Variants in LRRC55 observed in about 807,000 individuals in gnomAD.
The protein encoded by LRRC55 is leucine rich repeat containing 55, also known as leucine-rich repeat-containing protein 55.
Under a neutral mutation model 20.5 loss-of-function variants are expected in LRRC55, and 11 were observed. That is an observed-to-expected ratio of 0.54 (90% CI 0.34 to 0.89). The LOEUF (loss-of-function observed/expected upper bound fraction) is 0.89. Ranked by LOEUF, LRRC55 falls within the 40% of genes least tolerant of loss-of-function variation. The pLI, the probability that LRRC55 is intolerant of heterozygous loss-of-function variation, is 0.02. For missense variants in LRRC55, 358 were observed against 390.9 expected (o/e 0.92, Z 0.71); for synonymous variants, 188 against 166.6 (o/e 1.13, Z -0.99).
chr11:57,185,270 C>CTTTTTTTTTTTTTTTTT (rs58800728), intron 1 of LRRC55, among the ~76,000 whole-genome samples: 3 of 89,412 alleles, frequency 3.4e-5, no homozygotes, highest in African/African-American at 1.0e-4. Flanking sequence ...CTTTTCTTTT[C>CTTTTTTTTTTTTTTTTT]TTTTTTTTTT....
At chr11:57,187,119 T>C (rs1474448337) in intron 1 of LRRC55, 126 bp from the exon 2 acceptor site, 1 of 837,748 alleles carries the variant, frequency 1.2e-6, no homozygotes, top group Non-Finnish European at 2.0e-6. Flanking sequence ...TTAAGTAGAA[T>C]TCTTGGCACA....
intron 1 of LRRC55, among the ~76,000 whole-genome samples, chr11:57,184,732 A>G (rs771394296): frequency 3.3e-5 from 5 of 152,214 alleles, no homozygotes; most frequent in Non-Finnish European, 7.3e-5. Flanking sequence ...GGGATACAGC[A>G]TGACTTTAGG....
At position 57,187,744 on chromosome 11, in the gene LRRC55, T is replaced by C. The variant is rs1202619850; in HGVS notation, c.*264T>C. On this transcript the variant is annotated 3_prime_UTR_variant, in exon 2 of 2. Transcript: ENST00000497933. ...GAGAGAGATCCAAAAACTATTCCCT[T>C]TAAGACTATATGTCAGGACTCTGAG... 4 of 557,132 alleles carry C rather than the reference T, an allele frequency of 7.2e-6. No homozygotes were observed. Among genetic ancestry groups the C allele is most frequent in the Non-Finnish European group, 1.3e-5 (4 of 314,342 alleles). The allele number at this position is 557,132 out of a possible 1,614,324, so 34.5% of individuals were successfully genotyped here.
rs1854451963 is a variant in LRRC55, at chr11:57,187,658, A to AT, written c.*180dup. ...CTTTGGGCCAGGCGGCACGCTAGGAATTGGGAACATCAGATGAACTGACTC... is the reference window on the plus strand; with the variant it reads ...CTTTGGGCCAGGCGGCACGCTAGGAATTTGGGAACATCAGATGAACTGACTC... On this transcript the variant is annotated 3_prime_UTR_variant, in exon 2 of 2. Coordinates refer to ENST00000497933, the MANE Select transcript of LRRC55 (RefSeq NM_001005210.4). 1.5e-6 allele frequency: 1 copy of AT among 662,534 alleles called. No homozygotes were observed. Among genetic ancestry groups the AT allele is most frequent in the Non-Finnish European group, 2.7e-6 (1 of 376,908 alleles). The allele number at this position is 662,534 out of a possible 1,614,324, so 41.0% of individuals were successfully genotyped here. A position where few individuals can be genotyped will look rare whatever the true frequency, so the allele number is the denominator to read the frequency against.
intron 1 of LRRC55, among the ~76,000 whole-genome samples, chr11:57,183,969 G>C (rs1264223211): frequency 6.6e-6 from 1 of 152,192 alleles, no homozygotes; most frequent in Non-Finnish European, 1.5e-5. Flanking sequence ...CCTATCCAAG[G>C]GGCTTTCCCA....
intron 1 of LRRC55, 81 bp downstream of exon 1, chr11:57,182,764 A>G (rs950299201): frequency 1.5e-6 from 2 of 1,356,142 alleles, no homozygotes; most frequent in South Asian, 2.2e-5. Flanking sequence ...AAGCGGGGGA[A>G]CTTAGAGCCA....
At position 57,187,404 on chromosome 11, in the gene LRRC55, C is replaced by T; in HGVS notation, c.821C>T (p.Ala274Val). The T allele has an allele frequency of 6.2e-7, 1 of 1,614,208 alleles. No individual in the cohort carries two copies. Residue 274 changes from alanine to valine, a missense_variant, in exon 2 of 2, where the codon GCC becomes GTC. Physicochemically the swap from Ala to Val is moderately conservative, Grantham distance 64 (BLOSUM62 0). This residue lies in a region of LRRC55 where 178 missense variants were observed against 207.9 expected (regional missense o/e 0.86). Coordinates refer to ENST00000497933, the MANE Select transcript of LRRC55 (RefSeq NM_001005210.4). ...TTCGTGGTCTCCATTGCTTCTGTGGCCACCAACTTCCTCCTGGGCATCACT... is the reference window on the plus strand; with the variant it reads ...TTCGTGGTCTCCATTGCTTCTGTGGTCACCAACTTCCTCCTGGGCATCACT... Reference protein sequence around the residue: ...VGFVVSIASVATNFLLGITAN... With the variant: ...VGFVVSIASVVTNFLLGITAN...
At position 57,182,103 on chromosome 11, in the gene LRRC55, C is replaced by G. The variant is rs147647964; in HGVS notation, c.81C>G (p.Ala27=). 8.1e-6 allele frequency: 13 copies of G among 1,614,042 alleles called. No homozygotes were observed. Among genetic ancestry groups the G allele is most frequent in the Non-Finnish European group, 9.3e-6 (11 of 1,180,028 alleles). The change falls in exon 1 of 2, where the codon GCC becomes GCG. Residue 27 remains alanine (A), a synonymous_variant. Transcript: ENST00000497933. The stretch of plus-strand genomic sequence containing the variant: ...TGCTGATCTCCCTCCTCTTGGCAGC[C>G]GGGTTGATGCACTCGGATGCCGGCA... The part of the protein sequence containing the change: ...AMLLISLLLA[A]GLMHSDAGTS...
chr11:57,184,250 T>C (rs1204691060), intron 1 of LRRC55, among the ~76,000 whole-genome samples: 3 of 139,218 alleles, frequency 2.2e-5, no homozygotes, highest in South Asian at 4.6e-4. Flanking sequence ...CTCTCTCTCC[T>C]GTGCACTAAT....
intron 1 of LRRC55, among the ~76,000 whole-genome samples, chr11:57,184,472 T>C (rs1854403387): frequency 6.6e-6 from 1 of 152,178 alleles, no homozygotes; most frequent in Admixed American, 6.5e-5. Flanking sequence ...AGGCCCATGA[T>C]GAGGAAGCAA....
chr11:57,187,585 A>G lies in LRRC55; in HGVS notation c.*105A>G. 1 of 1,123,798 alleles carries G rather than the reference A, an allele frequency of 8.9e-7. No individual in the cohort carries two copies. The allele number at this position is 1,123,798 out of a possible 1,614,324, so 69.6% of individuals were successfully genotyped here. ...GGTTCCATGGTGACCTGGCTGCCTC[A>G]GTCATGGTTCAAGCAAGGTGGGGAC... On this transcript the variant is annotated 3_prime_UTR_variant, in exon 2 of 2. Transcript: ENST00000497933.
chr11:57,183,705 G>C (rs1275641264), intron 1 of LRRC55, among the ~76,000 whole-genome samples: 1 of 152,244 alleles, frequency 6.6e-6, no homozygotes, highest in African/African-American at 2.4e-5. Flanking sequence ...GCCCTGAGCA[G>C]TGTAAACTTT....
chr11:57,187,613 T>C lies in LRRC55; in HGVS notation c.*133T>C. 1 of 830,842 alleles carries C rather than the reference T, an allele frequency of 1.2e-6. No homozygotes were observed. The highest frequency in any genetic ancestry group is 2.6e-5 in the East Asian group (1 of 37,756). 51.5% of individuals were successfully genotyped at this position (830,842 alleles called of 1,614,324 possible). ...CATGGTTCAAGCAAGGTGGGGACAC[T>C]CATTTTGTATGAGCATCTGCTTTGG... On this transcript the variant is annotated 3_prime_UTR_variant, in exon 2 of 2. Transcript: ENST00000497933.
intron 1 of LRRC55, among the ~76,000 whole-genome samples, chr11:57,185,010 G>T (rs1342546983): frequency 6.6e-6 from 1 of 152,186 alleles, no homozygotes; most frequent in African/African-American, 2.4e-5. Flanking sequence ...TGTGCTCACA[G>T]CCTACAGGAA....
rs1220643677 is a variant in LRRC55 at position 57,191,508 on chromosome 11, G to A, written c.*4028G>A. 6.6e-6 allele frequency: 1 copy of A among 151,396 alleles called. No individual in the cohort carries two copies. Among genetic ancestry groups the A allele is most frequent in the East Asian group, 1.9e-4 (1 of 5,144 alleles). The allele number at this position is 151,396 out of a possible 1,614,324, so 9.4% of individuals were successfully genotyped here. A position where few individuals can be genotyped will look rare whatever the true frequency, so the allele number is the denominator to read the frequency against. ...ACTATTGTGTTTGTCACAGCACTGG[G>A]CGGAGAGCTGGATCCACAGAGCTCT... On this transcript the variant is annotated 3_prime_UTR_variant, in exon 2 of 2. Coordinates refer to ENST00000497933, the MANE Select transcript of LRRC55 (RefSeq NM_001005210.4).
rs1418099514 is a variant in LRRC55, at chr11:57,182,499, G to A, written c.477G>A (p.Gln159=). 8.7e-6 allele frequency: 14 copies of A among 1,604,306 alleles called. No individual in the cohort carries two copies. The highest frequency in any genetic ancestry group is 1.0e-5 in the Non-Finnish European group (12 of 1,173,900). ...WLRRVHPQAF[Q]GLMQLRDLDL... ...GGAGGGTGCATCCCCAGGCCTTTCA[G>A]GGCCTCATGCAGCTCCGAGACCTGG... The change falls in exon 1 of 2, where the codon CAG becomes CAA. Residue 159 remains glutamine (Q), a synonymous_variant. Coordinates refer to ENST00000497933, the MANE Select transcript of LRRC55 (RefSeq NM_001005210.4).
In LRRC55 at chr11:57,190,826, A is replaced by T. The variant is rs1004207974; in HGVS notation, c.*3346A>T. 1 of 152,174 alleles carries T rather than the reference A, an allele frequency of 6.6e-6. No homozygotes were observed. Among genetic ancestry groups the T allele is most frequent in the Non-Finnish European group, 1.5e-5 (1 of 68,024 alleles). 9.4% of individuals were successfully genotyped at this position (152,174 alleles called of 1,614,324 possible). A position where few individuals can be genotyped will look rare whatever the true frequency, so the allele number is the denominator to read the frequency against. The stretch of plus-strand genomic sequence containing the variant: ...TACTTTTGCGTCAATCTAATATTAC[A>T]TTGCTTGATAGATTAAGATGGAATC... On this transcript the variant is annotated 3_prime_UTR_variant, in exon 2 of 2. Coordinates refer to ENST00000497933, the MANE Select transcript of LRRC55 (RefSeq NM_001005210.4).
intron 1 of LRRC55, among the ~76,000 whole-genome samples, chr11:57,185,994 T>A (rs2135335068): frequency 6.6e-6 from 1 of 150,992 alleles, no homozygotes; most frequent in South Asian, 2.1e-4. Context: ...ATATAATATA[T>A]GTTATATATT....
At position 57,182,744 on chromosome 11, in the gene LRRC55, G is replaced by T. The variant is rs2860315; in HGVS notation, c.661+61G>T. ...GGGCTTGCCTCAATGGGAAGCAAAG[G>T]CTCCAAAGAAAGCGGGGGAACTTAG... On this transcript the variant is annotated intron_variant, in intron 1 of 1. Coordinates refer to ENST00000497933, the MANE Select transcript of LRRC55 (RefSeq NM_001005210.4). 6.4e-3 allele frequency: 8,887 copies of T among 1,396,160 alleles called. 466 individuals are homozygous for T. The African/African-American group carries it at 0.11, about 18-fold the overall frequency. The allele number at this position is 1,396,160 out of a possible 1,614,324, so 86.5% of individuals were successfully genotyped here. A position where few individuals can be genotyped will look rare whatever the true frequency, so the allele number is the denominator to read the frequency against.
Sources: gnomAD v4.1 joint callset for allele counts (sites outside exome capture counted in the v4.1 genomes callset) on GRCh38, gnomAD v4.1.1 for gene constraint, gnomAD v4.1.1 regional missense constraint, MANE v1.5 for transcripts, NCBI Gene and HGNC (gene_info 2026-07-23, HGNC 2026-07-21) for gene names.